The following CNTNAP2 variants were observed in gnomAD, a reference collection of about 807,000 sequenced individuals.
CNTNAP2 encodes the protein contactin associated protein 2, also known as contactin-associated protein-like 2.
A neutral mutation model predicts 155.2 loss-of-function variants in CNTNAP2; 98 were observed. The observed-to-expected ratio is 0.63, with a 90% CI of 0.54 to 0.75. The LOEUF is 0.75. Ranked by LOEUF, CNTNAP2 falls within the 30% of genes least tolerant of loss-of-function variation. The pLI, the probability that CNTNAP2 is intolerant of heterozygous loss-of-function variation, is 0.00. For synonymous variants in CNTNAP2, 651 were observed against 631.2 expected, an observed-to-expected ratio of 1.03 and a Z score of -0.47; for missense variants, 1,727 against 1,688.1, an observed-to-expected ratio of 1.02 and a Z score of -0.40.
At chr7:146,979,766 T>C (rs370922965) in intron 3 of CNTNAP2, among the ~76,000 whole-genome samples, 3 of 152,338 alleles carry the variant, frequency 2.0e-5, no homozygotes, top group African/African-American at 7.2e-5. Context: ...GAGGGTTACA[T>C]TTGTAAAAAG....
chr7:147,877,022 G>A (rs1799432377), intron 13 of CNTNAP2, among the ~76,000 whole-genome samples: 1 of 152,140 alleles, frequency 6.6e-6, no homozygotes, highest in Admixed American at 6.6e-5. Context: ...GAGGGCCCAC[G>A]TGGGGCTGTT....
In CNTNAP2 at chr7:146,888,307, A is replaced by AT. The variant is rs971899143; in HGVS notation, c.402+48410dup. Among the ~76,000 whole-genome samples, 3 of 152,048 alleles carry AT rather than the reference A, an allele frequency of 2.0e-5. No individual in the cohort carries two copies. The East Asian group carries it at 5.8e-4, about 29-fold the overall frequency. The stretch of plus-strand genomic sequence containing the variant: ...ATTTTCTCAATTTTATAACGTTTCT[A>AT]TTTTTTTCTCTCCAGAATATTTTAT... On this transcript the variant is annotated intron_variant, in intron 3 of 23. Transcript: ENST00000361727.
intron 21 of CNTNAP2, among the ~76,000 whole-genome samples, chr7:148,367,099 T>C (rs1285662123): frequency 6.6e-6 from 1 of 151,874 alleles, no homozygotes; most frequent in Non-Finnish European, 1.5e-5. Flanking sequence ...GGCGCGGTGG[T>C]GCATGCCTGT....
intron 1 of CNTNAP2, among the ~76,000 whole-genome samples, chr7:146,584,107 A>G (rs1204772709): frequency 2.6e-5 from 4 of 152,294 alleles, no homozygotes; most frequent in Admixed American, 2.6e-4. Context: ...AAATCATGAA[A>G]AGTACTAACA....
At chr7:147,701,093 C>A (rs1010618257) in intron 13 of CNTNAP2, among the ~76,000 whole-genome samples, 1 of 152,172 alleles carries the variant, frequency 6.6e-6, no homozygotes, top group South Asian at 2.1e-4. Context: ...TAGTTCTCTT[C>A]AGTTACACAC....
chr7:147,984,547 GA>G (rs752306066), intron 15 of CNTNAP2, among the ~76,000 whole-genome samples: 31 of 151,310 alleles, frequency 2.0e-4, no homozygotes, highest in African/African-American at 4.8e-4. Flanking sequence ...AAAATGGGAA[GA>G]AAAAAAAATC....
At chr7:147,010,952 T>G (rs1608628) in intron 3 of CNTNAP2, among the ~76,000 whole-genome samples, 83,258 of 151,868 alleles carry the variant, frequency 0.55, 23,800 homozygotes, top group African/African-American at 0.69. Context: ...GCTGGCATGT[T>G]ATCAAAGTTA....
intron 21 of CNTNAP2, among the ~76,000 whole-genome samples, chr7:148,354,541 G>A (rs1049348261): frequency 1.3e-5 from 2 of 151,986 alleles, no homozygotes; most frequent in Non-Finnish European, 2.9e-5. Flanking sequence ...CCCATCTCCT[G>A]TCTCCCCAGG....
At chr7:146,815,838 C>T (rs1465877465) in intron 2 of CNTNAP2, among the ~76,000 whole-genome samples, 1 of 152,040 alleles carries the variant, frequency 6.6e-6, no homozygotes, top group African/African-American at 2.4e-5. Flanking sequence ...TATACATGTG[C>T]CATGTTGGTG....
intron 1 of CNTNAP2, among the ~76,000 whole-genome samples, chr7:146,615,799 A>C (rs1799214473): frequency 6.6e-6 from 1 of 152,164 alleles, no homozygotes; most frequent in Non-Finnish European, 1.5e-5. Flanking sequence ...TGCTTCTCAA[A>C]GTTGAGCAGT....
intron 15 of CNTNAP2, among the ~76,000 whole-genome samples, chr7:147,982,776 G>C (rs12539484): frequency 0.023 from 3,462 of 152,124 alleles, 49 homozygotes; most frequent in Middle Eastern, 0.034. Flanking sequence ...CCAGCACTTT[G>C]GGAAGCCGAG....
intron 17 of CNTNAP2, among the ~76,000 whole-genome samples, chr7:148,152,602 A>G (rs1055432693): frequency 6.6e-6 from 1 of 152,194 alleles, no homozygotes; most frequent in Non-Finnish European, 1.5e-5. Context: ...CTACATTTTA[A>G]CAGAGTTCAG....
At chr7:147,388,953 C>G (rs700303) in intron 9 of CNTNAP2, among the ~76,000 whole-genome samples, 1 of 151,832 alleles carries the variant, frequency 6.6e-6, no homozygotes, top group Non-Finnish European at 1.5e-5. Context: ...ACTTATTTGC[C>G]CAATCAACCT....
At chr7:147,458,645 G>C (rs182610011) in intron 10 of CNTNAP2, among the ~76,000 whole-genome samples, 2 of 152,302 alleles carry the variant, frequency 1.3e-5, no homozygotes, top group Admixed American at 6.5e-5. Flanking sequence ...AGCACTGCCT[G>C]ATAGTCTCCC....
intron 1 of CNTNAP2, among the ~76,000 whole-genome samples, chr7:146,224,900 G>A (rs1208120951): frequency 3.3e-5 from 5 of 152,050 alleles, no homozygotes; most frequent in Non-Finnish European, 5.9e-5. Context: ...AATTGACTAG[G>A]CCTGTATAAA....
At chr7:147,940,225 A>G (rs1051136259) in intron 14 of CNTNAP2, 2 of 146,552 alleles carry the variant, frequency 1.4e-5, no homozygotes, top group African/African-American at 5.0e-5. Context: ...CAAAATTTCC[A>G]TTCTGATCGG....
In CNTNAP2 at chr7:147,620,175, T is replaced by A. The variant is rs541074815; in HGVS notation, c.1898-18931T>A. On this transcript the variant is annotated intron_variant, in intron 12 of 23. Coordinates refer to ENST00000361727, the MANE Select transcript of CNTNAP2 (RefSeq NM_014141.6). ...AGCTTAGATCACAATACCCAAGTCC[T>A]TCTGAATATCTGGAAAGCTTTGCCA... is the stretch of plus-strand genomic sequence containing the variant. 4.2e-4 allele frequency among the ~76,000 whole-genome samples: 64 copies of A among 152,342 alleles called. 1 individual carries two copies. In the South Asian group the frequency reaches 0.011, roughly 26 times the overall value.
chr7:146,354,389 C>G (rs117470227), intron 1 of CNTNAP2, among the ~76,000 whole-genome samples: 29 of 149,742 alleles, frequency 1.9e-4, no homozygotes, highest in Non-Finnish European at 4.1e-4. Context: ...ATATTTTATT[C>G]TTCAGTTCCT....
intron 1 of CNTNAP2, among the ~76,000 whole-genome samples, chr7:146,301,836 A>G (rs1004024993): frequency 3.9e-5 from 6 of 152,122 alleles, no homozygotes; most frequent in East Asian, 1.9e-4. Context: ...AACCAAAGAA[A>G]TTGTTGTGGT....
Sources: allele counts gnomAD v4.1 joint callset (sites outside exome capture counted in the v4.1 genomes callset), GRCh38; gene constraint gnomAD v4.1.1; transcripts MANE v1.5; gene names NCBI Gene and HGNC (gene_info 2026-07-23, HGNC 2026-07-21).